Variants in ATP11C observed in about 807,000 individuals in gnomAD.
ATP11C encodes the protein ATPase phospholipid transporting 11C (ATP11C blood group).
Under a neutral mutation model 97.4 loss-of-function variants are expected in ATP11C, and 36 were observed. The observed-to-expected ratio is 0.37, with a 90% CI of 0.28 to 0.49. The LOEUF (loss-of-function observed/expected upper bound fraction) is 0.49, where lower values mean the gene tolerates loss of function less well. Among genes scored for constraint, ATP11C ranks in the 20% least tolerant of loss-of-function variants. The pLI, the probability that ATP11C is intolerant of heterozygous loss-of-function variation, is 0.98. For synonymous variants in ATP11C, 275 were observed against 290.9 expected (o/e 0.95, Z 0.56); for missense variants, 730 against 824.6 (o/e 0.89, Z 1.40).
chrX:139,897,306 A>G (rs1171070054), intron 1 of ATP11C, among the ~76,000 whole-genome samples: 1 of 111,735 alleles, frequency 8.9e-6, no homozygotes, highest in Non-Finnish European at 1.9e-5. Context: ...AAAAAATAAT[A>G]AAATATTGTT....
chrX:139,888,138 A>T (rs1399973746), intron 1 of ATP11C, among the ~76,000 whole-genome samples: 2 of 102,085 alleles, frequency 2.0e-5, no homozygotes, highest in Non-Finnish European at 4.0e-5. Flanking sequence ...AAGCTGTATA[A>T]TTTTTTTTTT....
chrX:139,881,356 A>AT (rs1440412439), intron 1 of ATP11C, among the ~76,000 whole-genome samples: 1 of 111,335 alleles, frequency 9.0e-6, no homozygotes, highest in African/African-American at 3.3e-5. Flanking sequence ...CGAGAGTAGA[A>AT]TATTTCATAA....
chrX:139,737,366 CGA>C (rs1168191615), intron 28 of ATP11C, among the ~76,000 whole-genome samples: 1 of 111,100 alleles, frequency 9.0e-6, no homozygotes, highest in Admixed American at 9.6e-5. Flanking sequence ...TGAATTTTTA[CGA>C]GTGTGTTCCA....
chrX:139,731,216 T>A (rs937400849), intron 29 of ATP11C, among the ~76,000 whole-genome samples: 7 of 112,023 alleles, frequency 6.2e-5, no homozygotes, highest in Non-Finnish European at 9.4e-5. Flanking sequence ...TATTTTCACA[T>A]AATTCCCAAG....
chrX:139,869,148 C>G (rs1218014727), intron 1 of ATP11C, among the ~76,000 whole-genome samples: 1 of 112,101 alleles, frequency 8.9e-6, no homozygotes, highest in African/African-American at 3.2e-5. Context: ...AAATCAGAAT[C>G]TTGAAGACAT....
At chrX:139,734,784 G>T (rs191137476) in intron 28 of ATP11C, among the ~76,000 whole-genome samples, 13 of 111,126 alleles carry the variant, frequency 1.2e-4, no homozygotes, top group Non-Finnish European at 1.7e-4. Context: ...GAACTTTGGG[G>T]AAAAAAATTA....
chrX:139,785,405 C>T (rs1195697307), intron 15 of ATP11C, 106 bp from the exon 16 acceptor site: 1 of 552,408 alleles, frequency 1.8e-6, no homozygotes, highest in Non-Finnish European at 2.9e-6. Flanking sequence ...ACAGATAGCA[C>T]TGGTTGTGTG....
chrX:139,835,525 C>T (rs2083733168), intron 1 of ATP11C, among the ~76,000 whole-genome samples: 1 of 109,947 alleles, frequency 9.1e-6, no homozygotes, highest in Non-Finnish European at 1.9e-5. Context: ...CTGCCTCAGC[C>T]TCCTGAATAG....
At chrX:139,879,206 A>G (rs2084524037) in intron 1 of ATP11C, among the ~76,000 whole-genome samples, 2 of 111,463 alleles carry the variant, frequency 1.8e-5, no homozygotes, top group East Asian at 2.8e-4. Flanking sequence ...TCTTGAAGGG[A>G]TATCTGTACC....
chrX:139,771,177 G>A (rs5954470), intron 19 of ATP11C, among the ~76,000 whole-genome samples: 21,320 of 110,753 alleles, frequency 0.19, 3,532 homozygotes, highest in African/African-American at 0.54. Context: ...TTCCTGTGCT[G>A]TTCTCGTGAG....
intron 2 of ATP11C, 26 bp from the exon 3 acceptor site, chrX:139,819,453 A>G: frequency 1.2e-6 from 1 of 804,174 alleles, no homozygotes; most frequent in Non-Finnish European, 1.8e-6. Flanking sequence ...AAAAAAGAAC[A>G]CTGTTATGAA....
intron 1 of ATP11C, among the ~76,000 whole-genome samples, chrX:139,859,632 C>CA (rs1314617864): frequency 4.5e-5 from 5 of 111,799 alleles, no homozygotes; most frequent in African/African-American, 1.6e-4. Context: ...TCAACCCTCA[C>CA]GTAAACAGTA....
rs557272934 is a variant in ATP11C, at chrX:139,889,595, A to G, written c.27+42421T>C. On this transcript the variant is annotated intron_variant, in intron 1 of 29. Transcript: ENST00000682941. ...AATTATACCTCAATAATTCTCAAGA[A>G]AAAAGTTGTGTTACAAAAGTAACAA... Among the ~76,000 whole-genome samples the G allele has an allele frequency of 4.0e-3, 453 of 112,373 alleles. 3 individuals are homozygous for G. Among genetic ancestry groups the G allele is most frequent in the Admixed American group, 5.5e-3 (58 of 10,576 alleles).
chrX:139,763,055 A>G (rs751946207), intron 21 of ATP11C, among the ~76,000 whole-genome samples: 14 of 112,608 alleles, frequency 1.2e-4, no homozygotes, highest in African/African-American at 3.9e-4. Flanking sequence ...TGCTGCCAGT[A>G]GCTTTGGGAA....
intron 1 of ATP11C, among the ~76,000 whole-genome samples, chrX:139,866,999 T>C (rs910802662): frequency 9.0e-6 from 1 of 111,495 alleles, no homozygotes; most frequent in East Asian, 2.8e-4. Context: ...GGTGGGAGGA[T>C]CACTCGAGCC....
intron 28 of ATP11C, chrX:139,732,363 C>A (rs2081362274): frequency 3.8e-6 from 1 of 263,918 alleles, no homozygotes; most frequent in Non-Finnish European, 7.4e-6. Context: ...AGTAATTTTT[C>A]ATAAAGAATT....
In ATP11C at chrX:139,925,796, C is replaced by T. The variant is rs2085342646; in HGVS notation, c.27+6220G>A. 3.6e-5 allele frequency among the ~76,000 whole-genome samples: 4 copies of T among 112,019 alleles called. No individual in the cohort carries two copies. In the South Asian group the frequency reaches 1.5e-3, roughly 42 times the overall value. Reference sequence around the variant, plus strand: ...TCAACATCACCAATCCTCCCATATTCCATTAAATACATATGGCACAAGAAA... The same window carrying T: ...TCAACATCACCAATCCTCCCATATTTCATTAAATACATATGGCACAAGAAA... On this transcript the variant is annotated intron_variant, in intron 1 of 29. Coordinates refer to ENST00000682941, the MANE Select transcript of ATP11C (RefSeq NM_001353812.2).
chrX:139,855,474 C>CCGCTGTT (rs1467457762), intron 1 of ATP11C, among the ~76,000 whole-genome samples: 1 of 111,409 alleles, frequency 9.0e-6, no homozygotes, highest in Non-Finnish European at 1.9e-5. Flanking sequence ...CTGCTAACCA[C>CCGCTGTT]CGCTGTTCGT....
chrX:139,921,530 C>T (rs1360854646), intron 1 of ATP11C, among the ~76,000 whole-genome samples: 1 of 111,884 alleles, frequency 8.9e-6, no homozygotes, highest in Non-Finnish European at 1.9e-5. Context: ...CAATCTCAGG[C>T]AGTTCTTTAA....
Sources: allele counts gnomAD v4.1 joint callset (sites outside exome capture counted in the v4.1 genomes callset), GRCh38; gene constraint gnomAD v4.1.1; transcripts MANE v1.5; gene names NCBI Gene and HGNC (gene_info 2026-07-23, HGNC 2026-07-21).